Variants in OTUD3 observed in about 807,000 individuals in gnomAD.
OTUD3 encodes OTU domain-containing protein 3.
A neutral mutation model predicts 46.2 loss-of-function variants in OTUD3; 24 were observed. That is an observed-to-expected ratio of 0.52 (90% CI 0.38 to 0.73). The LOEUF (loss-of-function observed/expected upper bound fraction) is 0.73. Among genes scored for constraint, OTUD3 ranks in the 30% least tolerant of loss-of-function variants. The pLI is 0.00. For missense variants in OTUD3, 455 were observed against 523.3 expected, an observed-to-expected ratio of 0.87 and a Z score of 1.27; for synonymous variants, 189 against 195.4, an observed-to-expected ratio of 0.97 and a Z score of 0.27.
intron 4 of OTUD3, among the ~76,000 whole-genome samples, chr1:19,899,744 T>C (rs527444321): frequency 6.6e-6 from 1 of 152,376 alleles, no homozygotes; most frequent in Admixed American, 6.5e-5. Context: ...CACGGTGCAC[T>C]TCGTCAACAT....
intron 3 of OTUD3, among the ~76,000 whole-genome samples, chr1:19,897,143 A>G (rs1346887622): frequency 1.3e-5 from 2 of 151,874 alleles, no homozygotes; most frequent in East Asian, 1.9e-4. Flanking sequence ...TTTTTTCCTC[A>G]AAGAGAGCCT....
In OTUD3 at chr1:19,903,414, C is replaced by T. The variant is rs530517122; in HGVS notation, c.607-853C>T. Among the ~76,000 whole-genome samples the T allele has an allele frequency of 1.4e-3, 220 of 152,082 alleles. 5 individuals are homozygous for T. Among genetic ancestry groups the T allele is most frequent in the Middle Eastern group, 3.4e-3 (1 of 294 alleles). On this transcript the variant is annotated intron_variant, in intron 4 of 7. Transcript: ENST00000375120. Reference sequence around the variant, plus strand: ...CTAAATTTCAAAACTGTGAAACTACCGGCTCAAAGACTCCTGTAACTTTGT... The same window carrying T: ...CTAAATTTCAAAACTGTGAAACTACTGGCTCAAAGACTCCTGTAACTTTGT...
chr1:19,907,783 A>T lies in OTUD3; in HGVS notation c.*37A>T. On this transcript the variant is annotated 3_prime_UTR_variant, in exon 8 of 8. Transcript: ENST00000375120. ...CTTGGGAGTTGTAAGAAGCGGCTGG[A>T]AAAGGATTGCTGTGTGCTAGACTTT... 1 of 1,601,220 alleles carries T rather than the reference A, an allele frequency of 6.2e-7. No homozygotes were observed. Among genetic ancestry groups the T allele is most frequent in the Non-Finnish European group, 8.5e-7 (1 of 1,170,198 alleles).
chr1:19,882,858 A>T (rs2045291249), intron 1 of OTUD3, 124 bp downstream of exon 1: 1 of 877,070 alleles, frequency 1.1e-6, no homozygotes, highest in African/African-American at 1.8e-5. Context: ...CCCGCGAGCC[A>T]GCCACGCTCC....
chr1:19,895,321 A>T (rs1040996475), intron 3 of OTUD3, among the ~76,000 whole-genome samples: 4 of 152,222 alleles, frequency 2.6e-5, no homozygotes, highest in African/African-American at 9.6e-5. Flanking sequence ...ATCCTTTTCC[A>T]AGTATACAGT....
intron 3 of OTUD3, among the ~76,000 whole-genome samples, chr1:19,895,191 G>A (rs990882319): frequency 1.3e-5 from 2 of 152,142 alleles, no homozygotes; most frequent in African/African-American, 2.4e-5. Context: ...TTAGCATAAA[G>A]GTAACAGTGC....
At chr1:19,893,832 C>G (rs1442743861) in intron 2 of OTUD3, among the ~76,000 whole-genome samples, 1 of 152,234 alleles carries the variant, frequency 6.6e-6, no homozygotes, top group Admixed American at 6.5e-5. Context: ...TGGTTGTGAA[C>G]TCCGCGAGGG....
rs771035218 is a variant in OTUD3, at chr1:19,904,399, G to A, written c.738+1G>A. On this transcript the variant is annotated splice_donor_variant, in intron 5 of 7. Transcript: ENST00000375120. LOFTEE classifies it high-confidence loss of function. ...AGTTTGTAATGCAACTGGATGTTCA[G>A]TTAGTATTTCTGTCTTGCAGGAATG... 2.2e-5 allele frequency: 35 copies of A among 1,607,374 alleles called. No homozygotes were observed. The highest frequency in any genetic ancestry group is 2.8e-5 in the Non-Finnish European group (33 of 1,177,960).
At position 19,890,415 on chromosome 1, in the gene OTUD3, A is replaced by G. The variant is rs761470983; in HGVS notation, c.252A>G (p.Gln84=). The change falls in exon 2 of 8, where the codon CAA becomes CAG. Residue 84 remains glutamine, a synonymous_variant. Coordinates refer to ENST00000375120, the MANE Select transcript of OTUD3 (RefSeq NM_015207.2). ...GNCLFRALGD[Q]LEGHSRNHLK... ...GCTTGTTCAGAGCTCTTGGTGATCA[A>G]TTGGAGGGACACTCACGAAATCATC... The G allele has an allele frequency of 1.1e-5, 17 of 1,613,866 alleles. No individual in the cohort carries two copies. The highest frequency in any genetic ancestry group is 5.5e-5 in the South Asian group (5 of 91,076).
At chr1:19,900,725 G>C (rs1335756659) in intron 4 of OTUD3, among the ~76,000 whole-genome samples, 5 of 151,948 alleles carry the variant, frequency 3.3e-5, no homozygotes, top group African/African-American at 1.2e-4. Context: ...CTGGTCCACT[G>C]ATCTCCCTGT....
intron 2 of OTUD3, among the ~76,000 whole-genome samples, chr1:19,891,507 T>A (rs528159053): frequency 6.6e-6 from 1 of 151,702 alleles, no homozygotes; most frequent in Admixed American, 6.6e-5. Flanking sequence ...CAGATGAGAG[T>A]AGAGGAGGTC....
chr1:19,882,507 T>A lies in OTUD3; in HGVS notation c.-7T>A, dbSNP rs2045281290. On this transcript the variant is annotated 5_prime_UTR_variant, in exon 1 of 8. Coordinates refer to ENST00000375120, the MANE Select transcript of OTUD3 (RefSeq NM_015207.2). ...CCTCCTGCCGCTGGGGACTGCAGGC[T>A]AAGGCCATGTCCCGAAAGCAGGCGG... The A allele has an allele frequency of 7.4e-7, 1 of 1,357,648 alleles. No homozygotes were observed. The highest frequency in any genetic ancestry group is 9.4e-7 in the Non-Finnish European group (1 of 1,062,516). The allele number at this position is 1,357,648 out of a possible 1,614,324, so 84.1% of individuals were successfully genotyped here.
Position 19,882,419 on chromosome 1 carries a change from G to A in OTUD3, c.-95G>A. ...TGCTGCGTAGTCGTCGCCGGGCTCC[G>A]TTGCCCGCGCTGTTTTACCTTCCCA... On this transcript the variant is annotated 5_prime_UTR_variant, in exon 1 of 8. Transcript: ENST00000375120. 3.1e-6 allele frequency: 4 copies of A among 1,299,822 alleles called. No homozygotes were observed. Among genetic ancestry groups the A allele is most frequent in the Middle Eastern group, 3.0e-4 (1 of 3,376 alleles). 80.5% of individuals were successfully genotyped at this position (1,299,822 alleles called of 1,614,324 possible).
At chr1:19,891,595 A>G (rs2045447093) in intron 2 of OTUD3, among the ~76,000 whole-genome samples, 4 of 152,178 alleles carry the variant, frequency 2.6e-5, no homozygotes, top group Non-Finnish European at 4.4e-5. Flanking sequence ...GACAGGACAC[A>G]TTGGAGGTGA....
At chr1:19,898,454 C>T (rs956079478) in intron 4 of OTUD3, among the ~76,000 whole-genome samples, 5 of 151,692 alleles carry the variant, frequency 3.3e-5, no homozygotes, top group South Asian at 2.1e-4. Flanking sequence ...ATTGGCCGGG[C>T]GTGGTGGCTC....
chr1:19,889,058 A>C (rs1192686554), intron 1 of OTUD3, among the ~76,000 whole-genome samples: 1 of 152,196 alleles, frequency 6.6e-6, no homozygotes, highest in African/African-American at 2.4e-5. Context: ...TAGTGGTGGC[A>C]GATGCTGATT....
In OTUD3 at chr1:19,908,361, C is replaced by G. The variant is rs1190091269; in HGVS notation, c.*615C>G. 1 of 152,342 alleles carries G rather than the reference C, an allele frequency of 6.6e-6. No homozygotes were observed. The highest frequency in any genetic ancestry group is 1.5e-5 in the Non-Finnish European group (1 of 68,044). The allele number at this position is 152,342 out of a possible 1,614,324, so 9.4% of individuals were successfully genotyped here. On this transcript the variant is annotated 3_prime_UTR_variant, in exon 8 of 8. Coordinates refer to ENST00000375120, the MANE Select transcript of OTUD3 (RefSeq NM_015207.2). ...AACCGCATTTCTCTCCTTCCTGATTCTGATGTTATTTCAGATGGGATGCAG... is the reference window on the plus strand; with the variant it reads ...AACCGCATTTCTCTCCTTCCTGATTGTGATGTTATTTCAGATGGGATGCAG...
At chr1:19,891,197 T>C (rs923399074) in intron 2 of OTUD3, among the ~76,000 whole-genome samples, 2 of 152,234 alleles carry the variant, frequency 1.3e-5, no homozygotes, top group Admixed American at 6.5e-5. Context: ...ATCTGTTTTC[T>C]TTGAGGCAAG....
At chr1:19,891,831 A>T (rs2045451061) in intron 2 of OTUD3, among the ~76,000 whole-genome samples, 1 of 152,214 alleles carries the variant, frequency 6.6e-6, no homozygotes, top group African/African-American at 2.4e-5. Flanking sequence ...CCAATCACTG[A>T]GTTCAGATGG....
Sources: gnomAD v4.1 joint callset for allele counts (sites outside exome capture counted in the v4.1 genomes callset) on GRCh38, gnomAD v4.1.1 for gene constraint, MANE v1.5 for transcripts, NCBI Gene and HGNC (gene_info 2026-07-23, HGNC 2026-07-21) for gene names.